FAM168A: variants seen among roughly 807,000 people sequenced by gnomAD.
FAM168A encodes family with sequence similarity 168 member A.
FAM168A carries 3 observed loss-of-function variants against 28.5 expected under a neutral mutation model. The ratio of observed to expected loss-of-function variants is 0.11; its 90% CI spans 0.05 to 0.27. FAM168A has a LOEUF of 0.27. Ranked by LOEUF, FAM168A falls within the 10% of genes least tolerant of loss-of-function variation. The pLI, the probability that FAM168A is intolerant of heterozygous loss-of-function variation, is 1.00. For missense variants in FAM168A, 222 were observed against 311.5 expected, an observed-to-expected ratio of 0.71 and a Z score of 2.16; for synonymous variants, 122 against 124.2, an observed-to-expected ratio of 0.98 and a Z score of 0.12.
intron 2 of FAM168A, among the ~76,000 whole-genome samples, chr11:73,442,955 G>GAGAT (rs1280345663): frequency 5.0e-5 from 2 of 40,234 alleles, no homozygotes; most frequent in Admixed American, 4.2e-4. Context: ...ATATACAAAG[G>GAGAT]ATATATATAT....
chr11:73,425,295 C>G (rs1461863270), intron 3 of FAM168A, among the ~76,000 whole-genome samples: 1 of 152,220 alleles, frequency 6.6e-6, no homozygotes, highest in East Asian at 1.9e-4. Flanking sequence ...TGACCCAGAG[C>G]TGCCGGATGT....
chr11:73,570,438 A>G (rs1325840328), intron 1 of FAM168A, among the ~76,000 whole-genome samples: 1 of 152,216 alleles, frequency 6.6e-6, no homozygotes, highest in Non-Finnish European at 1.5e-5. Context: ...CAAGAAACAT[A>G]TTAGTAAAAA....
intron 4 of FAM168A, among the ~76,000 whole-genome samples, chr11:73,411,872 G>A (rs1866618105): frequency 6.6e-6 from 1 of 152,146 alleles, no homozygotes; most frequent in South Asian, 2.1e-4. Context: ...AAATGGGCAG[G>A]TGCACAGAGA....
At chr11:73,547,009 G>A (rs187368475) in intron 1 of FAM168A, among the ~76,000 whole-genome samples, 8 of 151,156 alleles carry the variant, frequency 5.3e-5, no homozygotes, top group Admixed American at 4.6e-4. Context: ...CAAATGGGCT[G>A]CGCACAGTGA....
intron 1 of FAM168A, among the ~76,000 whole-genome samples, chr11:73,546,190 C>A (rs1448386432): frequency 6.6e-6 from 1 of 152,182 alleles, no homozygotes; most frequent in African/African-American, 2.4e-5. Context: ...AGTTATATAT[C>A]TAAGATCCTA....
chr11:73,543,322 G>A (rs1016770946), intron 1 of FAM168A, among the ~76,000 whole-genome samples: 2 of 142,116 alleles, frequency 1.4e-5, no homozygotes, highest in African/African-American at 5.4e-5. Flanking sequence ...GGAGTGCAGT[G>A]GCACAATCTC....
intron 2 of FAM168A, among the ~76,000 whole-genome samples, chr11:73,464,864 CA>C (rs386418932): frequency 1.3e-5 from 2 of 148,468 alleles, no homozygotes; most frequent in African/African-American, 2.5e-5. Context: ...CCTGTTTTAT[CA>C]TTTTTTTTTT....
chr11:73,558,141 G>A (rs534299656), intron 1 of FAM168A, among the ~76,000 whole-genome samples: 1 of 152,084 alleles, frequency 6.6e-6, no homozygotes, highest in Non-Finnish European at 1.5e-5. Context: ...AAATAAACTG[G>A]ACTTCATCAA....
At chr11:73,406,792 C>T (rs1210971581) in intron 7 of FAM168A, 48 bp from the exon 8 acceptor site, 1 of 152,588 alleles carries the variant, frequency 6.6e-6, no homozygotes, top group Non-Finnish European at 1.5e-5. Flanking sequence ...ATTCAGGAGG[C>T]TTCTCCCCTC....
At chr11:73,508,560 C>T (rs183911915) in intron 1 of FAM168A, among the ~76,000 whole-genome samples, 9 of 150,720 alleles carry the variant, frequency 6.0e-5, no homozygotes, top group Admixed American at 2.0e-4. Flanking sequence ...TGCGTGGGTG[C>T]GTGTGTGTGT....
intron 1 of FAM168A, among the ~76,000 whole-genome samples, chr11:73,567,723 T>A (rs900935773): frequency 2.6e-5 from 4 of 151,826 alleles, no homozygotes; most frequent in Admixed American, 6.6e-5. Flanking sequence ...ATAGCTCACT[T>A]TTTTTTTAAG....
intron 2 of FAM168A, among the ~76,000 whole-genome samples, chr11:73,442,129 T>C (rs1020115081): frequency 1.7e-4 from 26 of 149,274 alleles, no homozygotes; most frequent in African/African-American, 5.9e-4. Context: ...CTTCTTCTTT[T>C]TTTTTTTTTT....
chr11:73,506,679 T>C (rs1855123918), intron 1 of FAM168A, among the ~76,000 whole-genome samples: 1 of 152,188 alleles, frequency 6.6e-6, no homozygotes, highest in African/African-American at 2.4e-5. Flanking sequence ...TCTTTAACCC[T>C]CTATAGCATA....
At chr11:73,546,606 C>A (rs1943756490) in intron 1 of FAM168A, among the ~76,000 whole-genome samples, 1 of 152,094 alleles carries the variant, frequency 6.6e-6, no homozygotes, top group African/African-American at 2.4e-5. Context: ...GTGGCACATG[C>A]CTGTAATTCC....
chr11:73,485,187 G>A (rs989991369), intron 1 of FAM168A, among the ~76,000 whole-genome samples: 1 of 152,160 alleles, frequency 6.6e-6, no homozygotes, highest in Non-Finnish European at 1.5e-5. Flanking sequence ...CTAAAGGACT[G>A]TTTTAAAGTC....
At chr11:73,589,308 A>G (rs1307686079) in intron 1 of FAM168A, among the ~76,000 whole-genome samples, 1 of 152,198 alleles carries the variant, frequency 6.6e-6, no homozygotes, top group African/African-American at 2.4e-5. Flanking sequence ...TTTTAATGTA[A>G]CAGAGCATGA....
At chr11:73,415,934 G>A (rs1565235063) in intron 4 of FAM168A, among the ~76,000 whole-genome samples, 1 of 152,196 alleles carries the variant, frequency 6.6e-6, no homozygotes, top group Non-Finnish European at 1.5e-5. Context: ...AGAACCTGGA[G>A]CCCAGAAGGA....
intron 1 of FAM168A, among the ~76,000 whole-genome samples, chr11:73,528,826 T>A (rs1428280219): frequency 2.6e-5 from 4 of 152,152 alleles, no homozygotes; most frequent in Non-Finnish European, 5.9e-5. Context: ...TTTGTGTCTG[T>A]TGGCCCAGGA....
intron 1 of FAM168A, among the ~76,000 whole-genome samples, chr11:73,481,101 A>G (rs1283290429): frequency 1.3e-5 from 2 of 152,098 alleles, no homozygotes; most frequent in African/African-American, 4.8e-5. Flanking sequence ...TTCTTCTTTG[A>G]AGATGCAGAG....
Sources: allele counts gnomAD v4.1 joint callset (sites outside exome capture counted in the v4.1 genomes callset), GRCh38; gene constraint gnomAD v4.1.1; transcripts MANE v1.5; gene names NCBI Gene and HGNC (gene_info 2026-07-23, HGNC 2026-07-21).